ICOS: variants seen among roughly 807,000 people sequenced by gnomAD.
The protein encoded by ICOS is inducible T-cell costimulator.
Under a neutral mutation model 24.6 loss-of-function variants are expected in ICOS, and 15 were observed. The observed-to-expected ratio is 0.61, with a 90% CI of 0.41 to 0.94. ICOS has a LOEUF of 0.94. ICOS is among the 40% of genes least tolerant of loss of function. The pLI, the probability that ICOS is intolerant of heterozygous loss-of-function variation, is 0.00. For missense variants in ICOS, 200 were observed against 233.0 expected (o/e 0.86, Z 0.92); for synonymous variants, 89 against 77.5 (o/e 1.15, Z -0.78).
chr2:203,949,822 C>T (rs569678978), intron 1 of ICOS, among the ~76,000 whole-genome samples: 6 of 152,230 alleles, frequency 3.9e-5, no homozygotes, highest in Admixed American at 3.3e-4. Flanking sequence ...CCAATCAGAG[C>T]AGACACTATC....
At position 203,959,821 on chromosome 2, in the gene ICOS, A is replaced by G. The variant is rs1690146036; in HGVS notation, c.*222A>G. 2 of 615,512 alleles carry G rather than the reference A, an allele frequency of 3.2e-6. No individual in the cohort carries two copies. The highest frequency in any genetic ancestry group is 5.9e-6 in the Non-Finnish European group (2 of 339,504). 38.1% of individuals were successfully genotyped at this position (615,512 alleles called of 1,614,324 possible). A position where few individuals can be genotyped will look rare whatever the true frequency, so the allele number is the denominator to read the frequency against. ...CTCTCAAAACAAACACCCTCTTGCA[A>G]CCAGCTTTGGAGAAAGCCCAGCTCC... On this transcript the variant is annotated 3_prime_UTR_variant, in exon 5 of 5. Transcript: ENST00000316386.
At chr2:203,948,568 T>C (rs1293899616) in intron 1 of ICOS, among the ~76,000 whole-genome samples, 1 of 152,224 alleles carries the variant, frequency 6.6e-6, no homozygotes, top group Non-Finnish European at 1.5e-5. Context: ...TTATTGTAGA[T>C]ACTTGGGATG....
intron 1 of ICOS, among the ~76,000 whole-genome samples, chr2:203,937,932 C>G (rs748814377): frequency 1.3e-5 from 2 of 152,132 alleles, no homozygotes; most frequent in African/African-American, 4.8e-5. Flanking sequence ...CTCATGAAGT[C>G]CTTTAGCGGC....
intron 1 of ICOS, among the ~76,000 whole-genome samples, chr2:203,954,172 C>T (rs1473659407): frequency 6.6e-6 from 1 of 152,138 alleles, no homozygotes; most frequent in Non-Finnish European, 1.5e-5. Flanking sequence ...AATTTATAGT[C>T]TAATAACTCA....
intron 3 of ICOS, among the ~76,000 whole-genome samples, chr2:203,957,518 G>T (rs978092279): frequency 6.6e-6 from 1 of 152,138 alleles, no homozygotes; most frequent in Admixed American, 6.5e-5. Context: ...GTGGAATTTG[G>T]AAAGAGACAT....
intron 1 of ICOS, among the ~76,000 whole-genome samples, chr2:203,949,057 G>A (rs1689923687): frequency 6.6e-6 from 1 of 152,204 alleles, no homozygotes; most frequent in South Asian, 2.1e-4. Flanking sequence ...ATTGGATTAT[G>A]CATGTAAGAA....
In ICOS at chr2:203,956,891, C is replaced by G. The variant is rs4270326; in HGVS notation, c.501+126C>G. On this transcript the variant is annotated intron_variant, in intron 3 of 4. Coordinates refer to ENST00000316386, the MANE Select transcript of ICOS (RefSeq NM_012092.4). ...CAACAGGGAGACAATTCCTTCCCCC[C>G]AAGACATACCTACTAATTAAACTAA... The G allele has an allele frequency of 0.16, 113,142 of 696,374 alleles. 10,107 individuals carry two copies. Among genetic ancestry groups the G allele is most frequent in the South Asian group, 0.28 (18,187 of 65,272 alleles). The allele number at this position is 696,374 out of a possible 1,614,324, so 43.1% of individuals were successfully genotyped here.
intron 1 of ICOS, among the ~76,000 whole-genome samples, chr2:203,947,747 A>T (rs190802167): frequency 6.2e-4 from 95 of 152,352 alleles, no homozygotes; most frequent in Middle Eastern, 3.4e-3. Flanking sequence ...TTTCCAATAA[A>T]AAGTAAACAG....
At chr2:203,951,439 C>T (rs533254154) in intron 1 of ICOS, among the ~76,000 whole-genome samples, 27 of 152,264 alleles carry the variant, frequency 1.8e-4, no homozygotes, top group Admixed American at 3.9e-4. Flanking sequence ...CTTCATTTCA[C>T]GGATGAGGAG....
chr2:203,955,638 G>T lies in ICOS; in HGVS notation c.61G>T (p.Glu21Ter), dbSNP rs1015881666. ...FCLRIKVLTG[E>*]INGSANYEMF... ...TTGTTTTCTTTCTTTTTATGCAGGA[G>T]AAATCAATGGTTCTGCCAATTATGA... Residue 21 changes from glutamate (E) to a stop codon, truncating the protein, a stop_gained and splice_region_variant, in exon 2 of 5, where the codon GAA (glutamate) becomes TAA (stop). Transcript: ENST00000316386. LOFTEE classifies it high-confidence loss of function. 4 of 1,609,210 alleles carry T rather than the reference G, an allele frequency of 2.5e-6. No individual in the cohort carries two copies. Among genetic ancestry groups the T allele is most frequent in the Admixed American group, 3.3e-5 (2 of 59,982 alleles).
intron 1 of ICOS, among the ~76,000 whole-genome samples, chr2:203,948,862 CCTG>C (rs1689917978): frequency 6.6e-6 from 1 of 152,120 alleles, no homozygotes. Context: ...GCCCTGGGAA[CCTG>C]CTTTGTGTGT....
At chr2:203,948,996 G>A (rs1217724364) in intron 1 of ICOS, among the ~76,000 whole-genome samples, 1 of 152,188 alleles carries the variant, frequency 6.6e-6, no homozygotes, top group Non-Finnish European at 1.5e-5. Flanking sequence ...AGATTTTACT[G>A]TAAGTGGAAT....
At chr2:203,945,996 A>G (rs912879032) in intron 1 of ICOS, among the ~76,000 whole-genome samples, 4 of 152,182 alleles carry the variant, frequency 2.6e-5, no homozygotes, top group African/African-American at 7.2e-5. Flanking sequence ...TTTGCACAGT[A>G]GCTGAGCAAT....
chr2:203,948,414 C>T (rs944273079), intron 1 of ICOS, among the ~76,000 whole-genome samples: 3 of 152,164 alleles, frequency 2.0e-5, no homozygotes, highest in Admixed American at 1.3e-4. Context: ...TTTCTAGAAG[C>T]CCTTTTGGCT....
Position 203,950,216 on chromosome 2 carries a change from T to C in ICOS, c.59-5420T>C, listed in dbSNP as rs75823110. Among the ~76,000 whole-genome samples, 649 of 152,314 alleles carry C rather than the reference T, an allele frequency of 4.3e-3. 3 individuals are homozygous for C. Among genetic ancestry groups the C allele is most frequent in the African/African-American group, 0.015 (628 of 41,562 alleles). ...GGGGTCTAGGGGCCTAGGTCTAGGC[T>C]GAGGCCTAGGGGCGAAATCTGGTGA... On this transcript the variant is annotated intron_variant, in intron 1 of 4. Coordinates refer to ENST00000316386, the MANE Select transcript of ICOS (RefSeq NM_012092.4).
At chr2:203,951,591 C>A (rs1428657876) in intron 1 of ICOS, among the ~76,000 whole-genome samples, 2 of 152,146 alleles carry the variant, frequency 1.3e-5, no homozygotes, top group African/African-American at 4.8e-5. Context: ...GTGTTTGCCA[C>A]AGTGCGGGCA....
chr2:203,939,543 C>T (rs369262111), intron 1 of ICOS, among the ~76,000 whole-genome samples: 240 of 152,206 alleles, frequency 1.6e-3, no homozygotes, highest in South Asian at 5.8e-3. Flanking sequence ...ACTTTAAAAG[C>T]AGTGTGGATA....
chr2:203,942,726 GT>G (rs970578737), intron 1 of ICOS, among the ~76,000 whole-genome samples: 2 of 152,058 alleles, frequency 1.3e-5, no homozygotes, highest in Admixed American at 6.6e-5. Context: ...GCTTCTTTTT[GT>G]TTTTTTATTT....
intron 1 of ICOS, 109 bp from the exon 2 acceptor site, chr2:203,955,527 A>C (rs1330086539): frequency 4.7e-6 from 4 of 845,730 alleles, no homozygotes; most frequent in Non-Finnish European, 7.8e-6. Context: ...ATTTTGGTGC[A>C]ACAGAGATGA....
Sources: allele counts gnomAD v4.1 joint callset (sites outside exome capture counted in the v4.1 genomes callset), GRCh38; gene constraint gnomAD v4.1.1; transcripts MANE v1.5; gene names NCBI Gene and HGNC (gene_info 2026-07-23, HGNC 2026-07-21).